Variants in PRKCD observed in about 807,000 individuals in gnomAD.
PRKCD encodes protein kinase C delta.
PRKCD carries 20 observed loss-of-function variants against 82.2 expected under a neutral mutation model. That is an observed-to-expected ratio of 0.24 (90% CI 0.17 to 0.35). PRKCD has a LOEUF of 0.35. Ranked by LOEUF, PRKCD falls within the 10% of genes least tolerant of loss-of-function variation. PRKCD has a pLI of 1.00. For missense variants in PRKCD, 607 were observed against 899.0 expected, an observed-to-expected ratio of 0.68 and a Z score of 4.15; for synonymous variants, 317 against 337.0, an observed-to-expected ratio of 0.94 and a Z score of 0.65.
chr3:53,168,795 C>T (rs1553664316), intron 2 of PRKCD, among the ~76,000 whole-genome samples: 1 of 145,988 alleles, frequency 6.8e-6, no homozygotes, highest in Admixed American at 7.1e-5. Flanking sequence ...GAGGGAAAGG[C>T]AGCGCCTGCC....
intron 15 of PRKCD, 80 bp downstream of exon 15, chr3:53,187,482 A>AT: frequency 6.7e-7 from 1 of 1,496,698 alleles, no homozygotes; most frequent in Non-Finnish European, 9.2e-7. Flanking sequence ...TCCAAGCAGG[A>AT]TCCCCCCAAC....
rs1703708223 is a variant in PRKCD at position 53,186,693 on chromosome 3, C to T, written c.1350C>T (p.Ala450=). The T allele has an allele frequency of 1.9e-6, 3 of 1,612,856 alleles. No homozygotes were observed. The highest frequency in any genetic ancestry group is 1.7e-6 in the Non-Finnish European group (2 of 1,179,088). Residue 450 remains alanine, a splice_region_variant and synonymous_variant, in exon 14 of 19, where the codon GCC becomes GCT. Transcript: ENST00000330452. ...QDKGRFELYR[A]TFYAAEIMCG... is the part of the protein sequence containing the mutation. ...AAGGCCGCTTTGAACTCTACCGTGC[C>T]ACGTACGTAAGGGCCATGGTGGGGA... is the stretch of plus-strand genomic sequence containing the variant.
At chr3:53,179,903 T>G in intron 4 of PRKCD, 127 bp downstream of exon 4, 2 of 1,181,188 alleles carry the variant, frequency 1.7e-6, no homozygotes, top group Non-Finnish European at 2.4e-6. Context: ...CACCGGGCCC[T>G]GTGCTGGCCA....
rs782571548 is a variant in PRKCD, at chr3:53,192,241, A to G, written c.2006A>G (p.Lys669Arg). ...AFAGFSFVNP[K>R]FEHLLED ...GCTGGCTTCTCCTTTGTGAACCCCA[A>G]ATTCGAGCACCTCCTGGAAGATTGA... The change falls in exon 19 of 19, where the codon AAA (lysine) becomes AGA (arginine). Residue 669 changes from lysine to arginine, a missense_variant. Coordinates refer to ENST00000330452, the MANE Select transcript of PRKCD (RefSeq NM_006254.4). 3.1e-6 allele frequency: 5 copies of G among 1,613,914 alleles called. No individual in the cohort carries two copies. In the South Asian group the frequency reaches 3.3e-5, roughly 11 times the overall value.
rs528786976 is a variant in PRKCD, at chr3:53,168,078, C to G, written c.-20+2863C>G. On this transcript the variant is annotated intron_variant, in intron 2 of 18. Transcript: ENST00000330452. ...CCCTCAGGGCTCCCCTTGGCCCTCT[C>G]CAGCTCTGGCCTCCTGCAGGACATT... Among the ~76,000 whole-genome samples, 7 of 152,390 alleles carry G rather than the reference C, an allele frequency of 4.6e-5. No individual in the cohort carries two copies. The East Asian group carries it at 1.2e-3, about 25-fold the overall frequency.
intron 9 of PRKCD, 145 bp downstream of exon 9, chr3:53,183,726 G>T (rs1703559179): frequency 1.6e-6 from 2 of 1,221,714 alleles, no homozygotes; most frequent in Non-Finnish European, 2.2e-6. Flanking sequence ...GGCCTTGGTG[G>T]ACCCTCCCCA....
intron 2 of PRKCD, among the ~76,000 whole-genome samples, chr3:53,172,014 G>C (rs1298952646): frequency 6.6e-6 from 1 of 151,970 alleles, no homozygotes; most frequent in East Asian, 1.9e-4. Flanking sequence ...GGTGAGGGAG[G>C]GGCCCAGGAG....
At chr3:53,171,372 A>C (rs1288072480) in intron 2 of PRKCD, among the ~76,000 whole-genome samples, 2 of 152,166 alleles carry the variant, frequency 1.3e-5, no homozygotes, top group African/African-American at 4.8e-5. Context: ...CAGGCTCCCA[A>C]GTCCTGCCCC....
At chr3:53,185,421 G>C (rs1703636324) in intron 10 of PRKCD, among the ~76,000 whole-genome samples, 183 bp from the exon 11 acceptor site, 1 of 152,212 alleles carries the variant, frequency 6.6e-6, no homozygotes, top group African/African-American at 2.4e-5. Flanking sequence ...GACCACCAAG[G>C]CTTCTCTGGG....
chr3:53,181,574 C>CA lies in PRKCD; in HGVS notation c.508dup (p.Thr170AsnfsTer24). On this transcript the variant is annotated frameshift_variant, in exon 6 of 19. Coordinates refer to ENST00000330452, the MANE Select transcript of PRKCD (RefSeq NM_006254.4). LOFTEE classifies it high-confidence loss of function. The stretch of plus-strand genomic sequence containing the variant: ...TTATCGCCACCTTCTTTGGGCAACC[C>CA]ACCTTCTGTTCTGTGTGCAAAGACT... 1.2e-6 allele frequency: 2 copies of CA among 1,614,246 alleles called. No homozygotes were observed. Among genetic ancestry groups the CA allele is most frequent in the Non-Finnish European group, 1.7e-6 (2 of 1,180,040 alleles).
At chr3:53,189,597 A>T (rs1703848746) in intron 17 of PRKCD, among the ~76,000 whole-genome samples, 1 of 152,232 alleles carries the variant, frequency 6.6e-6, no homozygotes, top group African/African-American at 2.4e-5. Flanking sequence ...GTTGGGAAGA[A>T]AATAGAAACA....
In PRKCD at chr3:53,181,287, G is replaced by A. The variant is rs1703430416; in HGVS notation, c.376+20G>A. On this transcript the variant is annotated intron_variant, in intron 5 of 18. Transcript: ENST00000330452. ...ACGTGGGTAAGAACTCCCTGGGGGT[G>A]GAGGGCTCCCTTGCCGGGTTCAGAG... 1 of 1,613,282 alleles carries A rather than the reference G, an allele frequency of 6.2e-7. No individual in the cohort carries two copies.
chr3:53,174,848 G>A (rs1156543039), intron 2 of PRKCD, among the ~76,000 whole-genome samples: 1 of 152,232 alleles, frequency 6.6e-6, no homozygotes, highest in Non-Finnish European at 1.5e-5. Context: ...GCCTGGCAGT[G>A]CAGGTTTAGG....
At chr3:53,188,944 A>G in intron 16 of PRKCD, 86 bp downstream of exon 16, 1 of 1,590,094 alleles carries the variant, frequency 6.3e-7, no homozygotes, top group Non-Finnish European at 8.6e-7. Flanking sequence ...AAGGGCAGTG[A>G]TGTCCAAGCC....
chr3:53,166,529 G>T (rs577642644), intron 2 of PRKCD, among the ~76,000 whole-genome samples: 1 of 152,318 alleles, frequency 6.6e-6, no homozygotes, highest in East Asian at 1.9e-4. Flanking sequence ...CACCACACAT[G>T]TGGGCATGCA....
At chr3:53,179,825 T>C in intron 4 of PRKCD, 49 bp downstream of exon 4, 1 of 1,546,160 alleles carries the variant, frequency 6.5e-7, no homozygotes. Flanking sequence ...TGTGTCTGTG[T>C]GTGTGTGCAT....
At chr3:53,163,020 G>A (rs1165836279) in intron 1 of PRKCD, among the ~76,000 whole-genome samples, 6 of 151,652 alleles carry the variant, frequency 4.0e-5, no homozygotes, top group Admixed American at 6.6e-5. Context: ...AGTGAGCTGG[G>A]GCTTGGTGAG....
chr3:53,171,195 C>T (rs551765415), intron 2 of PRKCD, among the ~76,000 whole-genome samples: 1 of 152,298 alleles, frequency 6.6e-6, no homozygotes, highest in East Asian at 1.9e-4. Context: ...CATGAAGGGG[C>T]CTTTGTTCCT....
chr3:53,183,396 G>A lies in PRKCD; in HGVS notation c.658-56G>A, dbSNP rs1205638319. 4.4e-6 allele frequency: 7 copies of A among 1,607,120 alleles called. No homozygotes were observed. In the African/African-American group the frequency reaches 8.0e-5, roughly 18 times the overall value. On this transcript the variant is annotated intron_variant, in intron 8 of 18. Coordinates refer to ENST00000330452, the MANE Select transcript of PRKCD (RefSeq NM_006254.4). ...CAGGGTTGGGGGAGAGCTAGGGGTT[G>A]AAGAAGAGGCTGGAGCTGGCACGTG...
Sources: allele counts gnomAD v4.1 joint callset (sites outside exome capture counted in the v4.1 genomes callset), GRCh38; gene constraint gnomAD v4.1.1; transcripts MANE v1.5; gene names NCBI Gene and HGNC (gene_info 2026-07-23, HGNC 2026-07-21).